The following LRP2 variants were observed in gnomAD, a reference collection of about 807,000 sequenced individuals.
LRP2 encodes LDL receptor related protein 2, also known as low-density lipoprotein receptor-related protein 2.
Under a neutral mutation model 531.0 loss-of-function variants are expected in LRP2, and 172 were observed. That is an observed-to-expected ratio of 0.32 (90% CI 0.29 to 0.37). The LOEUF is 0.37. Ranked by LOEUF, LRP2 falls within the 10% of genes least tolerant of loss-of-function variation. The pLI is 1.00. For missense variants in LRP2, 5,167 were observed against 5,868.3 expected, an observed-to-expected ratio of 0.88 and a Z score of 3.90; for synonymous variants, 1,992 against 2,027.6, an observed-to-expected ratio of 0.98 and a Z score of 0.47.
At chr2:169,329,956 C>T (rs536948663) in intron 1 of LRP2, among the ~76,000 whole-genome samples, 1 of 152,210 alleles carries the variant, frequency 6.6e-6, no homozygotes, top group Admixed American at 6.5e-5. Context: ...TGAGTGGCTG[C>T]ATTAGATTCC....
At chr2:169,307,838 A>G (rs1684467573) in intron 3 of LRP2, among the ~76,000 whole-genome samples, 1 of 152,212 alleles carries the variant, frequency 6.6e-6, no homozygotes, top group African/African-American at 2.4e-5. Context: ...TTTTCTATAT[A>G]GTTTCCTCTA....
At chr2:169,335,277 GTT>G (rs1182108822) in intron 1 of LRP2, among the ~76,000 whole-genome samples, 1 of 152,122 alleles carries the variant, frequency 6.6e-6, no homozygotes, top group Non-Finnish European at 1.5e-5. Context: ...ATCCTCTGGA[GTT>G]TTACATGAAA....
chr2:169,360,317 T>C (rs1442628001), intron 1 of LRP2, among the ~76,000 whole-genome samples: 3 of 152,166 alleles, frequency 2.0e-5, no homozygotes, highest in Non-Finnish European at 4.4e-5. Flanking sequence ...TAAGAGTACT[T>C]ACTTCCAAGG....
In LRP2 at chr2:169,127,973, A is replaced by C. The variant is rs1685154939; in HGVS notation, c.*690T>G. On this transcript the variant is annotated 3_prime_UTR_variant, in exon 79 of 79. Transcript: ENST00000649046. ...GATTTCCTCATAGACATCACAAATA[A>C]AAATGTTGTCTTGGCAGCTAGTGAG... 1 of 152,638 alleles carries C rather than the reference A, an allele frequency of 6.6e-6. No homozygotes were observed. Among genetic ancestry groups the C allele is most frequent in the African/African-American group, 2.4e-5 (1 of 41,450 alleles). 9.5% of individuals were successfully genotyped at this position (152,638 alleles called of 1,614,324 possible).
intron 1 of LRP2, among the ~76,000 whole-genome samples, chr2:169,339,141 G>A (rs1685497484): frequency 6.6e-6 from 1 of 150,698 alleles, no homozygotes. Context: ...TTGCTTATAT[G>A]AGAGTTTATG....
intron 63 of LRP2, among the ~76,000 whole-genome samples, chr2:169,158,397 A>G (rs1366150534): frequency 2.6e-5 from 4 of 152,116 alleles, no homozygotes; most frequent in Non-Finnish European, 1.5e-5. Context: ...TAGGGAATAA[A>G]TTATGTTATA....
At chr2:169,292,797 C>CA (rs1379635569) in intron 6 of LRP2, among the ~76,000 whole-genome samples, 4 of 141,842 alleles carry the variant, frequency 2.8e-5, no homozygotes, top group Non-Finnish European at 4.5e-5. Flanking sequence ...CGCACCACTG[C>CA]ACTCCAGCCT....
At position 169,129,014 on chromosome 2, in the gene LRP2, T is replaced by C. The variant is rs1032893285; in HGVS notation, c.13799A>G (p.Gln4600Arg). The C allele has an allele frequency of 6.2e-7, 1 of 1,606,670 alleles. No individual in the cohort carries two copies. Among genetic ancestry groups the C allele is most frequent in the Non-Finnish European group, 8.5e-7 (1 of 1,173,274 alleles). ...TTNFENPIYA[Q>R]MENEQKESVA... ...CTAAGAAAAATTGTTAAAAATTACC[T>C]GTGCATAGATTGGATTTTCAAAGTT... The change falls in exon 78 of 79, where the codon CAG becomes CGG. Residue 4600 changes from glutamine (Q) to arginine (R), a missense_variant and splice_region_variant. Physicochemically the swap from Gln to Arg is conservative, Grantham distance 43. This residue lies in a region of LRP2 where 348 missense variants were observed against 369.3 expected (regional missense o/e 0.94). Coordinates refer to ENST00000649046, the MANE Select transcript of LRP2 (RefSeq NM_004525.3).
rs547371529 is a variant in LRP2, at chr2:169,206,198, T to C, written c.7391-10A>G. ...TCAGCAGTCCCTATACCTGGACACA[T>C]ACAGGCAGACACACACACAAGCACA... On this transcript the variant is annotated splice_polypyrimidine_tract_variant and intron_variant, in intron 39 of 78. Coordinates refer to ENST00000649046, the MANE Select transcript of LRP2 (RefSeq NM_004525.3). The C allele has an allele frequency of 3.5e-5, 57 of 1,614,130 alleles. No individual in the cohort carries two copies. In the South Asian group the frequency reaches 5.6e-4, roughly 16 times the overall value.
intron 76 of LRP2, among the ~76,000 whole-genome samples, chr2:169,134,791 C>T (rs1274017036): frequency 6.6e-6 from 1 of 152,132 alleles, no homozygotes; most frequent in African/African-American, 2.4e-5. Flanking sequence ...ATCATTAATG[C>T]GTCTTTAATA....
intron 62 of LRP2, among the ~76,000 whole-genome samples, chr2:169,164,338 T>C (rs756290765): frequency 4.0e-4 from 61 of 152,372 alleles, no homozygotes; most frequent in Non-Finnish European, 6.8e-4. Context: ...GGTCCTGGAT[T>C]TCAGTTTCGG....
At chr2:169,211,449 A>C (rs1688589214) in intron 37 of LRP2, among the ~76,000 whole-genome samples, 1 of 152,010 alleles carries the variant, frequency 6.6e-6, no homozygotes, top group African/African-American at 2.4e-5. Context: ...GACACTGTGA[A>C]CTCTTTTGCT....
chr2:169,245,463 A>T (rs1026492090), intron 21 of LRP2, among the ~76,000 whole-genome samples: 42 of 152,240 alleles, frequency 2.8e-4, no homozygotes, highest in Admixed American at 2.0e-4. Flanking sequence ...ATGAAAATTT[A>T]AAAAATTTCA....
chr2:169,172,080 A>G lies in LRP2; in HGVS notation c.11198T>C (p.Ile3733Thr). ...CCCATCACACTGCCAACGAAGAGGG[A>G]TGCAGTGGTGATTTTTACAGCGGAA... ...GDFRCKNHHCIPLRWQCDGQN... is the reference protein window; with the variant it reads ...GDFRCKNHHCTPLRWQCDGQN... The change falls in exon 58 of 79, where the codon ATC (isoleucine) becomes ACC (threonine). Residue 3733 changes from isoleucine to threonine, a missense_variant. Physicochemically the swap from Ile to Thr is moderately conservative, Grantham distance 89 (BLOSUM62 -1). Around this residue, in one of 6 missense-constraint regions of LRP2, gnomAD observed 311 missense variants for 309.4 expected, o/e 1.01. Coordinates refer to ENST00000649046, the MANE Select transcript of LRP2 (RefSeq NM_004525.3). 6.2e-7 allele frequency: 1 copy of G among 1,614,168 alleles called. No individual in the cohort carries two copies.
intron 19 of LRP2, among the ~76,000 whole-genome samples, chr2:169,255,156 T>C (rs1310916432): frequency 6.6e-6 from 1 of 152,146 alleles, no homozygotes; most frequent in Non-Finnish European, 1.5e-5. Context: ...AACTAGCATA[T>C]ACACAGGGCT....
intron 18 of LRP2, 21 bp downstream of exon 18, chr2:169,257,103 G>C (rs1258808647): frequency 6.2e-7 from 1 of 1,611,886 alleles, no homozygotes; most frequent in Admixed American, 1.7e-5. Context: ...CTAAGTATCG[G>C]GGATGATGAT....
rs200475391 is a variant in LRP2 at position 169,170,643 on chromosome 2, T to A, written c.11288A>T (p.Glu3763Val). The A allele has an allele frequency of 4.2e-4, 674 of 1,613,246 alleles. No homozygotes were observed. The highest frequency in any genetic ancestry group is 5.5e-4 in the Non-Finnish European group (645 of 1,179,654). Residue 3763 changes from glutamate to valine, a missense_variant, in exon 59 of 79, where the codon GAG becomes GTG. By Grantham distance (121) the Glu-to-Val change is moderately radical (BLOSUM62 -2). Transcript: ENST00000649046. ...NCAPRECTES[E>V]FRCVNQQCIP... ...GCACTGCTGATTGACACATCGAAAC[T>A]CGCTCTCTGTGCACTCCCGGGGAGC...
At chr2:169,160,057 G>A (rs1686515060) in intron 63 of LRP2, among the ~76,000 whole-genome samples, 1 of 152,064 alleles carries the variant, frequency 6.6e-6, no homozygotes, top group African/African-American at 2.4e-5. Context: ...CCAAACATAT[G>A]GCACTCTATT....
At chr2:169,258,896 A>T in intron 17 of LRP2, 129 bp downstream of exon 17, 1 of 829,466 alleles carries the variant, frequency 1.2e-6, no homozygotes, top group Non-Finnish European at 2.0e-6. Flanking sequence ...AATAAAATTT[A>T]AGGTGATTTC....
Sources: allele counts gnomAD v4.1 joint callset (sites outside exome capture counted in the v4.1 genomes callset), GRCh38; gene constraint gnomAD v4.1.1; regional missense constraint gnomAD v4.1.1; transcripts MANE v1.5; gene names NCBI Gene and HGNC (gene_info 2026-07-23, HGNC 2026-07-21).